The following PDE4D variants were observed in gnomAD, a reference collection of about 807,000 sequenced individuals.
PDE4D encodes the protein 3',5'-cyclic-AMP phosphodiesterase 4D.
In PDE4D, 24 loss-of-function variants were observed where a neutral mutation model predicts 87.4. The ratio of observed to expected loss-of-function variants is 0.27; its 90% CI spans 0.20 to 0.39. The LOEUF is 0.39. Ranked by LOEUF, PDE4D falls within the 10% of genes least tolerant of loss-of-function variation. The probability of loss-of-function intolerance (pLI) is 1.00; values close to 1 mark genes in which losing one functional copy is unlikely to be tolerated. For synonymous variants in PDE4D, 384 were observed against 383.2 expected (o/e 1.00, Z -0.02); for missense variants, 714 against 1,041.0 (o/e 0.69, Z 4.32).
chr5:60,422,552 C>A (rs1743221061), intron 1 of PDE4D, among the ~76,000 whole-genome samples: 1 of 152,182 alleles, frequency 6.6e-6, no homozygotes, highest in Non-Finnish European at 1.5e-5. Context: ...AAGCACTAAA[C>A]ATGGAAAGGA....
chr5:59,937,266 A>C (rs898611404), intron 3 of PDE4D, among the ~76,000 whole-genome samples: 2 of 152,230 alleles, frequency 1.3e-5, no homozygotes, highest in African/African-American at 4.8e-5. Flanking sequence ...GAGGAATTAG[A>C]GATAGACATA....
At chr5:60,460,235 C>T in intron 1 of PDE4D, 1 of 1,341,958 alleles carries the variant, frequency 7.5e-7, no homozygotes. Flanking sequence ...CATTTCATTT[C>T]AGTGGACTTT....
intron 1 of PDE4D, among the ~76,000 whole-genome samples, chr5:60,323,354 T>C (rs1211905969): frequency 6.6e-6 from 1 of 152,184 alleles, no homozygotes; most frequent in Non-Finnish European, 1.5e-5. Context: ...TCCCAGTAAA[T>C]GGTACCACCA....
At chr5:60,276,902 T>A (rs879765192) in intron 1 of PDE4D, among the ~76,000 whole-genome samples, 8 of 152,032 alleles carry the variant, frequency 5.3e-5, no homozygotes, top group African/African-American at 1.7e-4. Flanking sequence ...TACATTTTTA[T>A]CTTTTTAATT....
At chr5:59,796,054 G>C (rs1766444432) in intron 1 of PDE4D, among the ~76,000 whole-genome samples, 1 of 152,164 alleles carries the variant, frequency 6.6e-6, no homozygotes. Context: ...CTGGCCTCCA[G>C]AACTGTGAGA....
chr5:59,324,265 C>G (rs917255061), intron 1 of PDE4D, among the ~76,000 whole-genome samples: 2 of 152,108 alleles, frequency 1.3e-5, no homozygotes, highest in African/African-American at 4.8e-5. Context: ...TTCTGATTTA[C>G]TTGTAGTTGA....
intron 1 of PDE4D, among the ~76,000 whole-genome samples, chr5:59,374,232 C>A (rs923452301): frequency 1.3e-5 from 2 of 152,104 alleles, no homozygotes; most frequent in African/African-American, 4.8e-5. Context: ...CACAGAGTGG[C>A]AAGCTGGATA....
At chr5:60,219,634 C>T (rs1744264354) in intron 1 of PDE4D, among the ~76,000 whole-genome samples, 1 of 152,182 alleles carries the variant, frequency 6.6e-6, no homozygotes, top group Non-Finnish European at 1.5e-5. Context: ...AAGCTACCAT[C>T]TCCATTGAAA....
intron 1 of PDE4D, among the ~76,000 whole-genome samples, chr5:59,627,747 A>G (rs997943594): frequency 3.9e-5 from 6 of 152,214 alleles, no homozygotes. Flanking sequence ...GCCAACAATG[A>G]GAGATGTTTG....
chr5:59,696,020 AT>A (rs2150426915), intron 1 of PDE4D, among the ~76,000 whole-genome samples: 1 of 152,296 alleles, frequency 6.6e-6, no homozygotes, highest in African/African-American at 2.4e-5. Flanking sequence ...ACCTTTAGTT[AT>A]TGTCTTCTTT....
chr5:59,720,624 G>T (rs536836747), intron 1 of PDE4D, among the ~76,000 whole-genome samples: 11 of 152,278 alleles, frequency 7.2e-5, no homozygotes, highest in African/African-American at 2.6e-4. Context: ...ACAAGATCAA[G>T]TGGTTTAATG....
intron 5 of PDE4D, among the ~76,000 whole-genome samples, chr5:59,056,933 C>G (rs1185691525): frequency 1.3e-5 from 2 of 152,178 alleles, no homozygotes; most frequent in Admixed American, 1.3e-4. Context: ...AATTCCGTTA[C>G]ATTTTGCAGC....
intron 1 of PDE4D, among the ~76,000 whole-genome samples, chr5:59,404,580 AC>A (rs1791281958): frequency 6.6e-6 from 1 of 151,078 alleles, no homozygotes. Context: ...AATCACTTGA[AC>A]CCAGGAGGCA....
At chr5:60,157,760 A>C (rs1192784085) in intron 2 of PDE4D, among the ~76,000 whole-genome samples, 2 of 152,200 alleles carry the variant, frequency 1.3e-5, no homozygotes, top group African/African-American at 2.4e-5. Flanking sequence ...GGTGGTACGA[A>C]CCTACATCAC....
chr5:59,498,933 A>G (rs1807734093), intron 1 of PDE4D, among the ~76,000 whole-genome samples: 1 of 152,146 alleles, frequency 6.6e-6, no homozygotes, highest in Admixed American at 6.5e-5. Flanking sequence ...CCTAATAGAC[A>G]TCTATAGAAT....
intron 1 of PDE4D, among the ~76,000 whole-genome samples, chr5:60,210,869 C>T (rs1743120710): frequency 6.6e-6 from 1 of 151,782 alleles, no homozygotes; most frequent in African/African-American, 2.4e-5. Context: ...CACTTTGGTG[C>T]TTCTATTTCT....
chr5:59,225,524 T>C (rs1753571668), intron 1 of PDE4D, among the ~76,000 whole-genome samples: 1 of 152,154 alleles, frequency 6.6e-6, no homozygotes, highest in Admixed American at 6.6e-5. Flanking sequence ...TCTATTTCTA[T>C]AAAAAATACC....
intron 3 of PDE4D, among the ~76,000 whole-genome samples, chr5:59,901,020 A>G (rs1282376473): frequency 6.6e-6 from 1 of 152,208 alleles, no homozygotes; most frequent in Non-Finnish European, 1.5e-5. Flanking sequence ...TCATTTTAAA[A>G]AGCTCCCATT....
In PDE4D at chr5:59,732,394, T is replaced by TCACACACACACACACACA. The variant is rs71604799; in HGVS notation, c.455+160756_455+160773dup. 8.9e-3 allele frequency among the ~76,000 whole-genome samples: 1,308 copies of TCACACACACACACACACA among 146,166 alleles called. 13 individuals carry two copies. Among genetic ancestry groups the TCACACACACACACACACA allele is most frequent in the African/African-American group, 0.031 (1,239 of 39,482 alleles). On this transcript the variant is annotated intron_variant, in intron 1 of 14. Coordinates refer to ENST00000340635, the MANE Select transcript of PDE4D (RefSeq NM_001104631.2). ...GTGAATTTCAAATGTCAGGAGACAT[T>TCACACACACACACACACA]CACACACACACACACACACACACAC... is the stretch of plus-strand genomic sequence containing the variant.
Sources: allele counts gnomAD v4.1 joint callset (sites outside exome capture counted in the v4.1 genomes callset), GRCh38; gene constraint gnomAD v4.1.1; transcripts MANE v1.5; gene names NCBI Gene and HGNC (gene_info 2026-07-23, HGNC 2026-07-21).